PIAS1: variants seen among roughly 807,000 people sequenced by gnomAD.
The protein encoded by PIAS1 is E3 SUMO-protein ligase PIAS1.
A neutral mutation model predicts 71.3 loss-of-function variants in PIAS1; 6 were observed. The ratio of observed to expected loss-of-function variants is 0.08; its 90% CI spans 0.05 to 0.17. The LOEUF (loss-of-function observed/expected upper bound fraction) is 0.17, where lower values mean the gene tolerates loss of function less well. Ranked by LOEUF, PIAS1 falls within the 10% of genes least tolerant of loss-of-function variation. PIAS1 has a pLI of 1.00. For synonymous variants in PIAS1, 303 were observed against 292.9 expected, an observed-to-expected ratio of 1.03 and a Z score of -0.35; for missense variants, 555 against 793.6, an observed-to-expected ratio of 0.70 and a Z score of 3.61.
intron 2 of PIAS1, among the ~76,000 whole-genome samples, chr15:68,129,249 G>C (rs898758695): frequency 2.0e-5 from 3 of 151,968 alleles, no homozygotes; most frequent in Non-Finnish European, 4.4e-5. Flanking sequence ...GTTATTTTTT[G>C]TAGAGACAGG....
At chr15:68,181,129 A>G (rs1443569156) in intron 11 of PIAS1, 83 bp from the exon 12 acceptor site, 4 of 1,185,038 alleles carry the variant, frequency 3.4e-6, no homozygotes, top group Non-Finnish European at 4.9e-6. Context: ...CCGAGGGTTC[A>G]TTGTGAGATA....
chr15:68,156,158 T>C (rs1400070221), intron 7 of PIAS1, among the ~76,000 whole-genome samples: 1 of 152,204 alleles, frequency 6.6e-6, no homozygotes, highest in African/African-American at 2.4e-5. Flanking sequence ...ATACCATCTC[T>C]GCATCCCCCA....
chr15:68,054,491 C>T lies in PIAS1; in HGVS notation c.24+141C>T, dbSNP rs2091872467. 3.5e-6 allele frequency: 3 copies of T among 851,220 alleles called. No homozygotes were observed. The highest frequency in any genetic ancestry group is 5.3e-6 in the Non-Finnish European group (3 of 562,710). 52.7% of individuals were successfully genotyped at this position (851,220 alleles called of 1,614,324 possible). On this transcript the variant is annotated intron_variant, in intron 1 of 13. Coordinates refer to ENST00000249636, the MANE Select transcript of PIAS1 (RefSeq NM_016166.3). The surrounding 1 kb of genome is among the most constrained non-coding windows in gnomAD (Gnocchi z 4.6). The stretch of plus-strand genomic sequence containing the variant: ...GGAGTTGTAGGGAGAGAGGCGCGCC[C>T]GGTCTCAGCAGAGGGGGCCCGCCTG...
chr15:68,145,055 A>T (rs2092798922), intron 4 of PIAS1, among the ~76,000 whole-genome samples: 1 of 152,166 alleles, frequency 6.6e-6, no homozygotes, highest in Non-Finnish European at 1.5e-5. Flanking sequence ...GAGAATAGGT[A>T]CTAATAAAGA....
In PIAS1 at chr15:68,153,706, T is replaced by C; in HGVS notation, c.934+11T>C. The C allele has an allele frequency of 7.9e-7, 1 of 1,267,956 alleles. No homozygotes were observed. Among genetic ancestry groups the C allele is most frequent in the Non-Finnish European group, 1.2e-6 (1 of 866,886 alleles). The allele number at this position is 1,267,956 out of a possible 1,614,324, so 78.5% of individuals were successfully genotyped here. On this transcript the variant is annotated intron_variant, in intron 7 of 13. Transcript: ENST00000249636. ...ATTCTAGAGCTTTAAGTACGTATGA[T>C]AAACTTATTTCACTTATTCAGCTAT...
At chr15:68,131,376 C>T (rs1280329327) in intron 2 of PIAS1, among the ~76,000 whole-genome samples, 2 of 151,966 alleles carry the variant, frequency 1.3e-5, no homozygotes, top group African/African-American at 4.8e-5. Context: ...TCAATTTCCA[C>T]AACTATTTTA....
chr15:68,066,521 T>C (rs1017442682), intron 1 of PIAS1, among the ~76,000 whole-genome samples: 1 of 152,208 alleles, frequency 6.6e-6, no homozygotes, highest in Non-Finnish European at 1.5e-5. Context: ...TTACCAAATA[T>C]ATATGATTGA....
chr15:68,108,049 C>T lies in PIAS1; in HGVS notation c.469+21299C>T, dbSNP rs139387846. The stretch of plus-strand genomic sequence containing the variant: ...AAAGCTAATCCATCAATTTATATAA[C>T]CAAAGATTAAGGAGCTTGATGCAGA... On this transcript the variant is annotated intron_variant, in intron 2 of 13. Coordinates refer to ENST00000249636, the MANE Select transcript of PIAS1 (RefSeq NM_016166.3). Among the ~76,000 whole-genome samples, 23 of 152,310 alleles carry T rather than the reference C, an allele frequency of 1.5e-4. No homozygotes were observed. In the East Asian group the frequency reaches 3.7e-3, roughly 24 times the overall value.
At chr15:68,121,798 A>G (rs953097378) in intron 2 of PIAS1, among the ~76,000 whole-genome samples, 4 of 152,118 alleles carry the variant, frequency 2.6e-5, no homozygotes, top group Admixed American at 6.6e-5. Flanking sequence ...TATTGAACGT[A>G]TTTGGAATGA....
intron 1 of PIAS1, among the ~76,000 whole-genome samples, chr15:68,065,361 A>T (rs990822953): frequency 2.6e-5 from 4 of 152,094 alleles, no homozygotes; most frequent in Non-Finnish European, 5.9e-5. Context: ...AGACCTAGGC[A>T]GGCAGAGTGC....
intron 1 of PIAS1, among the ~76,000 whole-genome samples, chr15:68,083,492 G>A (rs929662468): frequency 2.0e-5 from 3 of 151,938 alleles, no homozygotes; most frequent in Admixed American, 6.6e-5. Flanking sequence ...TATCTTAATC[G>A]CCAGTTTTTA....
intron 1 of PIAS1, among the ~76,000 whole-genome samples, chr15:68,058,592 C>G (rs1171724763): frequency 1.3e-5 from 2 of 152,144 alleles, no homozygotes; most frequent in African/African-American, 4.8e-5. Flanking sequence ...GATACTTTCC[C>G]TTTTGGAAAA....
At chr15:68,126,530 C>T (rs990613317) in intron 2 of PIAS1, among the ~76,000 whole-genome samples, 2 of 152,212 alleles carry the variant, frequency 1.3e-5, no homozygotes, top group African/African-American at 4.8e-5. Flanking sequence ...GCAACCTCCA[C>T]CTCCCGGATT....
rs1366686446 is a variant in PIAS1, at chr15:68,190,437, T to C, written c.*2602T>C. 1 of 152,254 alleles carries C rather than the reference T, an allele frequency of 6.6e-6. No individual in the cohort carries two copies. The highest frequency in any genetic ancestry group is 1.5e-5 in the Non-Finnish European group (1 of 68,048). The allele number at this position is 152,254 out of a possible 1,614,324, so 9.4% of individuals were successfully genotyped here. ...TATTAGTAGAGTCCTGTACTATGTC[T>C]GTAACTACTAAGTTTAAAGAAAAGC... On this transcript the variant is annotated 3_prime_UTR_variant, in exon 14 of 14. Coordinates refer to ENST00000249636, the MANE Select transcript of PIAS1 (RefSeq NM_016166.3). This position sits in a 1 kb window ranked among gnomAD's most constrained non-coding sequence, Gnocchi z 4.7.
intron 2 of PIAS1, among the ~76,000 whole-genome samples, chr15:68,100,264 A>C (rs562229647): frequency 6.6e-6 from 1 of 152,342 alleles, no homozygotes; most frequent in Non-Finnish European, 1.5e-5. Context: ...TTGGTACAAT[A>C]CACAGAGCTT....
chr15:68,072,874 T>G (rs746011821), intron 1 of PIAS1, among the ~76,000 whole-genome samples: 1 of 152,250 alleles, frequency 6.6e-6, no homozygotes. Context: ...CTTTGTAGGA[T>G]TAAGTATAAA....
At chr15:68,081,638 T>A (rs1018460397) in intron 1 of PIAS1, among the ~76,000 whole-genome samples, 2 of 152,026 alleles carry the variant, frequency 1.3e-5, no homozygotes, top group Non-Finnish European at 2.9e-5. Flanking sequence ...AATTAAAAAT[T>A]TAATGTAAGC....
At chr15:68,139,798 T>C (rs2092758112) in intron 2 of PIAS1, among the ~76,000 whole-genome samples, 1 of 152,210 alleles carries the variant, frequency 6.6e-6, no homozygotes, top group South Asian at 2.1e-4. Context: ...TGTATCCCTG[T>C]GGATTGTCTT....
rs2091986549 is a variant in PIAS1 at position 68,063,825 on chromosome 15, A to G, written c.24+9475A>G. Among the ~76,000 whole-genome samples, 4 of 152,096 alleles carry G rather than the reference A, an allele frequency of 2.6e-5. No individual in the cohort carries two copies. In the South Asian group the frequency reaches 8.3e-4, roughly 32 times the overall value. ...ACATTTGCAAAATCAGTGGTGGGTA[A>G]AACTGCCAGCACCTTGGCACAAATT... On this transcript the variant is annotated intron_variant, in intron 1 of 13. Coordinates refer to ENST00000249636, the MANE Select transcript of PIAS1 (RefSeq NM_016166.3).
Sources: allele counts gnomAD v4.1 joint callset (sites outside exome capture counted in the v4.1 genomes callset), GRCh38; gene constraint gnomAD v4.1.1; non-coding constraint Gnocchi (gnomAD v3.1); transcripts MANE v1.5; gene names NCBI Gene and HGNC (gene_info 2026-07-23, HGNC 2026-07-21).